Variants in PREP observed in about 807,000 individuals in gnomAD.
PREP encodes dJ355L5.1 (prolyl endopeptidase).
Under a neutral mutation model 87.6 loss-of-function variants are expected in PREP, and 29 were observed. The observed-to-expected ratio is 0.33, with a 90% CI of 0.25 to 0.45. PREP has a LOEUF of 0.45. Among genes scored for constraint, PREP ranks in the 20% least tolerant of loss-of-function variants. The probability of loss-of-function intolerance (pLI) is 1.00; values close to 1 mark genes in which losing one functional copy is unlikely to be tolerated. For missense variants in PREP, 695 were observed against 886.5 expected, an observed-to-expected ratio of 0.78 and a Z score of 2.74; for synonymous variants, 337 against 328.6, an observed-to-expected ratio of 1.03 and a Z score of -0.28.
intron 7 of PREP, 41 bp from the exon 8 acceptor site, chr6:105,333,546 T>A: frequency 2.5e-6 from 4 of 1,595,300 alleles, no homozygotes; most frequent in South Asian, 1.1e-5. Context: ...CTCTAATGTT[T>A]AAAAATGGTG....
At chr6:105,307,455 C>T (rs1770678810) in intron 10 of PREP, among the ~76,000 whole-genome samples, 1 of 152,076 alleles carries the variant, frequency 6.6e-6, no homozygotes, top group Non-Finnish European at 1.5e-5. Context: ...GCTGGAAATG[C>T]TTGATTGCAT....
rs138472982 is a variant in PREP at position 105,328,911 on chromosome 6, G to T, written c.1131C>A (p.Leu377=). 1 of 1,614,100 alleles carries T rather than the reference G, an allele frequency of 6.2e-7. No individual in the cohort carries two copies. The highest frequency in any genetic ancestry group is 1.6e-4 in the Middle Eastern group (1 of 6,062). Residue 377 remains leucine, a synonymous_variant, in exon 9 of 15, where the codon CTC becomes CTA. Coordinates refer to ENST00000652536, the MANE Select transcript of PREP (RefSeq NM_002726.5). ...TTGALLKTFP[L]DVGSIVGYSG... is the part of the protein sequence containing the mutation. Reference sequence around the variant, plus strand: ...TGTACCCTACAATGCTGCCGACATCGAGCGGGAAGGTCTTAAGGAGAGCAC... The same window carrying T: ...TGTACCCTACAATGCTGCCGACATCTAGCGGGAAGGTCTTAAGGAGAGCAC...
chr6:105,325,782 C>G (rs1562200529), intron 9 of PREP, among the ~76,000 whole-genome samples: 1 of 152,176 alleles, frequency 6.6e-6, no homozygotes, highest in Non-Finnish European at 1.5e-5. Context: ...TTGAAGAAAA[C>G]ATCCTAGACT....
intron 8 of PREP, 80 bp from the exon 9 acceptor site, chr6:105,329,106 A>T: frequency 1.5e-6 from 2 of 1,302,730 alleles, no homozygotes; most frequent in South Asian, 1.3e-5. Context: ...ACAGTTCCAG[A>T]GCTACACATA....
chr6:105,302,098 C>T (rs572176971), intron 10 of PREP, among the ~76,000 whole-genome samples: 1 of 152,298 alleles, frequency 6.6e-6, no homozygotes, highest in South Asian at 2.1e-4. Context: ...TCTTCAGTTC[C>T]ACTGGTCTGA....
intron 7 of PREP, among the ~76,000 whole-genome samples, chr6:105,340,074 C>T (rs141428381): frequency 3.3e-5 from 5 of 151,478 alleles, no homozygotes; most frequent in Admixed American, 1.3e-4. Flanking sequence ...AAGAGAAACT[C>T]CAAGGCACAT....
rs1414123901 is a variant in PREP at position 105,273,267 on chromosome 6, T to A, written c.*4877A>T. The A allele has an allele frequency of 6.6e-6, 1 of 152,210 alleles. No homozygotes were observed. Among genetic ancestry groups the A allele is most frequent in the Non-Finnish European group, 1.5e-5 (1 of 68,040 alleles). 9.4% of individuals were successfully genotyped at this position (152,210 alleles called of 1,614,324 possible). A position where few individuals can be genotyped will look rare whatever the true frequency, so the allele number is the denominator to read the frequency against. On this transcript the variant is annotated 3_prime_UTR_variant, in exon 15 of 15. Coordinates refer to ENST00000652536, the MANE Select transcript of PREP (RefSeq NM_002726.5). ...CTACCAGAGATTATTTCGATAACAT[T>A]ATGATTTACAAACCATAAAATTCAT... is the stretch of plus-strand genomic sequence containing the variant.
chr6:105,287,247 T>A (rs1770207548), intron 11 of PREP, among the ~76,000 whole-genome samples: 1 of 152,062 alleles, frequency 6.6e-6, no homozygotes, highest in Admixed American at 6.5e-5. Flanking sequence ...ACAAATCTCG[T>A]TGCCTGGGAA....
At chr6:105,286,691 A>T (rs972678677) in intron 11 of PREP, among the ~76,000 whole-genome samples, 1 of 151,940 alleles carries the variant, frequency 6.6e-6, no homozygotes, top group Non-Finnish European at 1.5e-5. Context: ...TTGAGGATGA[A>T]CAGGAAAGGT....
intron 7 of PREP, among the ~76,000 whole-genome samples, chr6:105,344,833 TA>T (rs745418238): frequency 1.3e-4 from 19 of 151,958 alleles, no homozygotes; most frequent in Non-Finnish European, 2.6e-4. Context: ...TATAATTTAA[TA>T]AAAAGTAAAA....
chr6:105,364,090 GGAAAACTAACAGGGT>G (rs1481755907), intron 6 of PREP, among the ~76,000 whole-genome samples: 6 of 152,290 alleles, frequency 3.9e-5, no homozygotes, highest in African/African-American at 1.4e-4. Flanking sequence ...GTGGCTACTG[GGAAAACTAACAGGGT>G]GAATAGGCAA....
chr6:105,374,904 A>G (rs558671891), intron 4 of PREP, among the ~76,000 whole-genome samples: 1 of 152,170 alleles, frequency 6.6e-6, no homozygotes, highest in African/African-American at 2.4e-5. Flanking sequence ...CAAACATTCC[A>G]TAAAGAAGTC....
intron 7 of PREP, among the ~76,000 whole-genome samples, chr6:105,346,694 G>A (rs1771807154): frequency 1.3e-5 from 2 of 152,218 alleles, no homozygotes; most frequent in African/African-American, 2.4e-5. Context: ...TTTTAAGGAT[G>A]CCTATATTGA....
chr6:105,287,385 T>C (rs1583036128), intron 11 of PREP, among the ~76,000 whole-genome samples: 1 of 152,232 alleles, frequency 6.6e-6, no homozygotes, highest in Non-Finnish European at 1.5e-5. Context: ...TTTACTCATA[T>C]GATGATGCCA....
Position 105,323,645 on chromosome 6 carries a change from T to G in PREP, c.1317+20A>C. On this transcript the variant is annotated intron_variant, in intron 10 of 14. Coordinates refer to ENST00000652536, the MANE Select transcript of PREP (RefSeq NM_002726.5). ...TCAGACTTCCTAACTCTCACATTAA[T>G]GAGATCATATTCTCCATACCTGGAC... is the stretch of plus-strand genomic sequence containing the variant. The G allele has an allele frequency of 2.7e-3, 4,157 of 1,546,092 alleles. No individual in the cohort carries two copies. The highest frequency in any genetic ancestry group is 3.5e-3 in the Non-Finnish European group (3,875 of 1,117,602).
Position 105,328,857 on chromosome 6 carries a change from G to A in PREP, c.1185C>T (p.Phe395=). The A allele has an allele frequency of 6.2e-7, 1 of 1,614,198 alleles. No homozygotes were observed. Among genetic ancestry groups the A allele is most frequent in the Non-Finnish European group, 8.5e-7 (1 of 1,180,034 alleles). Residue 395 remains phenylalanine (F), a synonymous_variant, in exon 9 of 15, where the codon TTC becomes TTT. Coordinates refer to ENST00000652536, the MANE Select transcript of PREP (RefSeq NM_002726.5). ...YSGQKKDTEI[F]YQFTSFLSPG... is the part of the protein sequence containing the mutation. ...GAGATAAAAAGGAAGTAAACTGATAGAAGATTTCAGTGTCCTTCTTCTGAC... is the reference window on the plus strand; with the variant it reads ...GAGATAAAAAGGAAGTAAACTGATAAAAGATTTCAGTGTCCTTCTTCTGAC...
chr6:105,341,588 A>G (rs1022879522), intron 7 of PREP, among the ~76,000 whole-genome samples: 8 of 152,238 alleles, frequency 5.3e-5, no homozygotes, highest in Non-Finnish European at 8.8e-5. Context: ...AAAAAAATCA[A>G]TGAATCCAGG....
chr6:105,380,796 A>T (rs2114717681), intron 2 of PREP, among the ~76,000 whole-genome samples: 1 of 152,250 alleles, frequency 6.6e-6, no homozygotes, highest in South Asian at 2.1e-4. Flanking sequence ...TACCCTGAAG[A>T]TGTCATTTCC....
In PREP at chr6:105,275,117, G is replaced by C. The variant is rs897352949; in HGVS notation, c.*3027C>G. Among the ~76,000 whole-genome samples, 2 of 152,140 alleles carry C rather than the reference G, an allele frequency of 1.3e-5. No individual in the cohort carries two copies. Among genetic ancestry groups the C allele is most frequent in the African/African-American group, 4.8e-5 (2 of 41,422 alleles). ...TCCCACTGGCCTGACCACCCCAACA[G>C]TATGACCTTTGCCTCTTTACAGCAA... On this transcript the variant is annotated 3_prime_UTR_variant, in exon 15 of 15. Coordinates refer to ENST00000652536, the MANE Select transcript of PREP (RefSeq NM_002726.5).
Sources: gnomAD v4.1 joint callset for allele counts (sites outside exome capture counted in the v4.1 genomes callset) on GRCh38, gnomAD v4.1.1 for gene constraint, MANE v1.5 for transcripts, NCBI Gene and HGNC (gene_info 2026-07-23, HGNC 2026-07-21) for gene names.